Variants in RGS21 observed in about 807,000 individuals in gnomAD.
RGS21 encodes the protein regulator of G protein signaling 21, also known as regulator of G-protein signalling 21.
Under a neutral mutation model 18.7 loss-of-function variants are expected in RGS21, and 19 were observed. The observed-to-expected ratio is 1.01, with a 90% CI of 0.71 to 1.49. RGS21 has a LOEUF of 1.49. RGS21 is among the 40% of genes most tolerant of loss of function. The pLI, the probability that RGS21 is intolerant of heterozygous loss-of-function variation, is 0.00. For missense variants in RGS21, 194 were observed against 176.8 expected, an observed-to-expected ratio of 1.10 and a Z score of -0.55; for synonymous variants, 56 against 57.8, an observed-to-expected ratio of 0.97 and a Z score of 0.14.
At chr1:192,335,506 A>G (rs148768267) in intron 1 of RGS21, among the ~76,000 whole-genome samples, 156 of 152,220 alleles carry the variant, frequency 1.0e-3, no homozygotes, top group African/African-American at 3.6e-3. Flanking sequence ...CATTTCATTT[A>G]TTCTTTTTGC....
intron 4 of RGS21, among the ~76,000 whole-genome samples, chr1:192,354,689 C>T (rs1183771541): frequency 6.6e-6 from 1 of 151,602 alleles, no homozygotes; most frequent in Non-Finnish European, 1.5e-5. Context: ...CTATATTACT[C>T]TGTAGTTATA....
chr1:192,340,883 C>A (rs1658849246), intron 1 of RGS21, among the ~76,000 whole-genome samples: 2 of 151,982 alleles, frequency 1.3e-5, no homozygotes. Context: ...GGAAACCGCC[C>A]ACATGATTCA....
intron 1 of RGS21, among the ~76,000 whole-genome samples, chr1:192,320,434 C>T (rs560478756): frequency 6.6e-6 from 1 of 152,094 alleles, no homozygotes; most frequent in South Asian, 2.1e-4. Context: ...AGAATCAGAG[C>T]ACCTCATACA....
At chr1:192,346,933 T>C (rs1658950287) in intron 2 of RGS21, among the ~76,000 whole-genome samples, 1 of 152,162 alleles carries the variant, frequency 6.6e-6, no homozygotes, top group Non-Finnish European at 1.5e-5. Flanking sequence ...AGAAAATAGT[T>C]TATTCATCAC....
At chr1:192,360,623 A>G (rs1240755115) in intron 4 of RGS21, among the ~76,000 whole-genome samples, 1 of 152,090 alleles carries the variant, frequency 6.6e-6, no homozygotes, top group Non-Finnish European at 1.5e-5. Flanking sequence ...ATGTGGTTAC[A>G]TTAGTCCCTG....
chr1:192,362,421 A>G (rs903612078), intron 4 of RGS21, among the ~76,000 whole-genome samples: 13 of 152,230 alleles, frequency 8.5e-5, no homozygotes, highest in Admixed American at 1.3e-4. Flanking sequence ...AATAAAAAAA[A>G]GAATTTACAC....
At chr1:192,321,608 T>C (rs1405888020) in intron 1 of RGS21, among the ~76,000 whole-genome samples, 2 of 152,030 alleles carry the variant, frequency 1.3e-5, no homozygotes, top group African/African-American at 4.8e-5. Context: ...CTAATTCTTA[T>C]TGATTTTATT....
chr1:192,340,009 C>G (rs1381774111), intron 1 of RGS21, among the ~76,000 whole-genome samples: 2 of 151,996 alleles, frequency 1.3e-5, no homozygotes, highest in Non-Finnish European at 2.9e-5. Flanking sequence ...TGATCTTTAA[C>G]TTTCCCATCT....
intron 1 of RGS21, among the ~76,000 whole-genome samples, chr1:192,342,711 T>C (rs1658889713): frequency 6.6e-6 from 1 of 151,918 alleles, no homozygotes; most frequent in Non-Finnish European, 1.5e-5. Flanking sequence ...CTGTGAACAA[T>C]AGTTGTCTTG....
At chr1:192,332,774 G>T (rs139886599) in intron 1 of RGS21, among the ~76,000 whole-genome samples, 1 of 152,036 alleles carries the variant, frequency 6.6e-6, no homozygotes, top group Non-Finnish European at 1.5e-5. Context: ...CAGACATGGC[G>T]CCTGTGCCTC....
intron 1 of RGS21, among the ~76,000 whole-genome samples, chr1:192,327,764 C>A (rs533524740): frequency 6.6e-6 from 1 of 152,224 alleles, no homozygotes; most frequent in East Asian, 1.9e-4. Context: ...TGAGCCACCA[C>A]TGGAGGCCAC....
intron 4 of RGS21, among the ~76,000 whole-genome samples, chr1:192,361,215 C>G (rs1476478927): frequency 6.6e-6 from 1 of 151,874 alleles, no homozygotes; most frequent in African/African-American, 2.4e-5. Flanking sequence ...CTTGAAATAT[C>G]CTTATGATTA....
At chr1:192,356,972 A>G (rs1167913238) in intron 4 of RGS21, among the ~76,000 whole-genome samples, 1 of 151,804 alleles carries the variant, frequency 6.6e-6, no homozygotes, top group African/African-American at 2.4e-5. Context: ...GGTGCAACTA[A>G]GAAAAAGACA....
At chr1:192,319,469 A>G (rs756072314) in intron 1 of RGS21, among the ~76,000 whole-genome samples, 3 of 152,142 alleles carry the variant, frequency 2.0e-5, no homozygotes, top group Non-Finnish European at 2.9e-5. Flanking sequence ...AGAATTTTAC[A>G]TGCTCTTTGC....
At chr1:192,352,317 T>C (rs1325588462) in intron 4 of RGS21, 104 bp downstream of exon 4, 2 of 765,436 alleles carry the variant, frequency 2.6e-6, no homozygotes, top group Non-Finnish European at 3.8e-6. Flanking sequence ...TCTCAGTATG[T>C]GTTTAAATAG....
At chr1:192,354,595 A>G (rs1659087349) in intron 4 of RGS21, among the ~76,000 whole-genome samples, 1 of 151,732 alleles carries the variant, frequency 6.6e-6, no homozygotes, top group Non-Finnish European at 1.5e-5. Context: ...CATATTTGAG[A>G]TGGTTGGAAA....
At chr1:192,337,521 C>T (rs1658788997) in intron 1 of RGS21, among the ~76,000 whole-genome samples, 1 of 151,950 alleles carries the variant, frequency 6.6e-6, no homozygotes, top group Non-Finnish European at 1.5e-5. Context: ...CATATTTTTG[C>T]ATTGAATACT....
At chr1:192,356,477 TA>T (rs1451298444) in intron 4 of RGS21, among the ~76,000 whole-genome samples, 1 of 151,784 alleles carries the variant, frequency 6.6e-6, no homozygotes, top group East Asian at 1.9e-4. Context: ...TGTATAGAAC[TA>T]GAGAAAATGG....
intron 1 of RGS21, among the ~76,000 whole-genome samples, chr1:192,333,628 C>CAAAAA (rs376989840): frequency 9.5e-4 from 97 of 102,392 alleles, no homozygotes; most frequent in East Asian, 1.9e-3. Context: ...CTCAAAATGA[C>CAAAAA]AAAAAAAAAA....
Sources: gnomAD v4.1 joint callset for allele counts (sites outside exome capture counted in the v4.1 genomes callset) on GRCh38, gnomAD v4.1.1 for gene constraint, MANE v1.5 for transcripts, NCBI Gene and HGNC (gene_info 2026-07-23, HGNC 2026-07-21) for gene names.